SLC26A4: variants seen among roughly 807,000 people sequenced by gnomAD.
SLC26A4 encodes solute carrier family 26 member 4, also known as pendrin.
In SLC26A4, 93 loss-of-function variants were observed where a neutral mutation model predicts 90.4. That is an observed-to-expected ratio of 1.03 (90% CI 0.87 to 1.22). The LOEUF is 1.22. Among genes scored for constraint, SLC26A4 ranks in the 50% most tolerant of loss-of-function variants. The probability of loss-of-function intolerance (pLI) is 0.00; values close to 1 mark genes in which losing one functional copy is unlikely to be tolerated. For missense variants in SLC26A4, 1,127 were observed against 946.2 expected, an observed-to-expected ratio of 1.19 and a Z score of -2.51; for synonymous variants, 393 against 354.6, an observed-to-expected ratio of 1.11 and a Z score of -1.22.
chr7:107,679,712 T>C (rs1791125295), intron 6 of SLC26A4, among the ~76,000 whole-genome samples: 1 of 150,932 alleles, frequency 6.6e-6, no homozygotes. Context: ...ATCCATACTA[T>C]TAACATACTT....
At chr7:107,681,285 G>A (rs1319660731) in intron 6 of SLC26A4, among the ~76,000 whole-genome samples, 1 of 151,964 alleles carries the variant, frequency 6.6e-6, no homozygotes, top group East Asian at 1.9e-4. Context: ...TTGGTGGGAG[G>A]TATTTTGCAT....
chr7:107,701,745 A>G (rs1791891934), intron 16 of SLC26A4, 82 bp from the exon 17 acceptor site: 2 of 919,202 alleles, frequency 2.2e-6, no homozygotes, highest in Non-Finnish European at 3.6e-6. Context: ...AACAGTGTGT[A>G]GGTCTTTTGG....
intron 13 of SLC26A4, 100 bp downstream of exon 13, chr7:107,696,139 A>G (rs1231286604): frequency 6.3e-6 from 5 of 794,270 alleles, no homozygotes; most frequent in Non-Finnish European, 1.1e-5. Context: ...TTCTTTCGTT[A>G]TAGTTACTGT....
intron 3 of SLC26A4, among the ~76,000 whole-genome samples, chr7:107,665,863 C>G (rs746788362): frequency 6.6e-6 from 1 of 152,122 alleles, no homozygotes; most frequent in Non-Finnish European, 1.5e-5. Context: ...AATCCGGTGT[C>G]TATTGTGTAG....
intron 18 of SLC26A4, among the ~76,000 whole-genome samples, chr7:107,706,713 C>T (rs1792044597): frequency 6.6e-6 from 1 of 152,060 alleles, no homozygotes; most frequent in Non-Finnish European, 1.5e-5. Context: ...ATAATATAAC[C>T]AATGTTTTCC....
At position 107,716,991 on chromosome 7, in the gene SLC26A4, A is replaced by G. The variant is rs762076543; in HGVS notation, c.*1545A>G. On this transcript the variant is annotated 3_prime_UTR_variant, in exon 21 of 21. Transcript: ENST00000644269. The stretch of plus-strand genomic sequence containing the variant: ...TTCTGGTTGTAAATCTGGTTACAGC[A>G]TAACTAGGATTATAATGCTGCCTCA... The G allele has an allele frequency of 1.3e-5, 2 of 152,242 alleles. No homozygotes were observed. Among genetic ancestry groups the G allele is most frequent in the Admixed American group, 6.5e-5 (1 of 15,280 alleles). The allele number at this position is 152,242 out of a possible 1,614,324, so 9.4% of individuals were successfully genotyped here. A position where few individuals can be genotyped will look rare whatever the true frequency, so the allele number is the denominator to read the frequency against.
At chr7:107,686,217 CTTG>C (rs1254304679) in intron 8 of SLC26A4, among the ~76,000 whole-genome samples, 3 of 151,746 alleles carry the variant, frequency 2.0e-5, no homozygotes, top group African/African-American at 7.3e-5. Flanking sequence ...CAGAGGTCCT[CTTG>C]TTGTCATGTT....
rs1791850773 is a variant in SLC26A4 at position 107,700,211 on chromosome 7, C to A, written c.1707+36C>A. 8.6e-6 allele frequency: 9 copies of A among 1,045,544 alleles called. No homozygotes were observed. In the South Asian group the frequency reaches 1.0e-4, roughly 12 times the overall value. 64.8% of individuals were successfully genotyped at this position (1,045,544 alleles called of 1,614,324 possible). A position where few individuals can be genotyped will look rare whatever the true frequency, so the allele number is the denominator to read the frequency against. ...TATCCCTAGAAATTTGTTTTCTAAC[C>A]TCTTTTGAGACTTCATTCATTCTAC... On this transcript the variant is annotated intron_variant, in intron 15 of 20. Coordinates refer to ENST00000644269, the MANE Select transcript of SLC26A4 (RefSeq NM_000441.2).
intron 10 of SLC26A4, among the ~76,000 whole-genome samples, chr7:107,691,512 TATACACAC>T (rs1423066700): frequency 4.5e-5 from 5 of 110,518 alleles, no homozygotes; most frequent in Admixed American, 9.3e-5. Flanking sequence ...CAAATATATA[TATACACAC>T]ACACACACAC....
chr7:107,686,854 C>T (rs769914757), intron 8 of SLC26A4, among the ~76,000 whole-genome samples: 30 of 152,168 alleles, frequency 2.0e-4, no homozygotes, highest in Non-Finnish European at 3.2e-4. Flanking sequence ...GGGTTCCATT[C>T]ATTGGTTTGG....
At chr7:107,667,141 T>C (rs75452266) in intron 3 of SLC26A4, among the ~76,000 whole-genome samples, 237 of 152,012 alleles carry the variant, frequency 1.6e-3, no homozygotes, top group African/African-American at 5.5e-3. Flanking sequence ...TATGCTAAGT[T>C]TGAGACACAG....
In SLC26A4 at chr7:107,717,495, A is replaced by C. The variant is rs905214687; in HGVS notation, c.*2049A>C. ...AGGAAATGCCAAAGTTACGTTTTAC[A>C]ACAAGGCTAGAGTTTGTAAATTCTG... On this transcript the variant is annotated 3_prime_UTR_variant, in exon 21 of 21. Transcript: ENST00000644269. 6.6e-6 allele frequency: 1 copy of C among 152,656 alleles called. No homozygotes were observed. The highest frequency in any genetic ancestry group is 2.4e-5 in the African/African-American group (1 of 41,452). The allele number at this position is 152,656 out of a possible 1,614,324, so 9.5% of individuals were successfully genotyped here.
At chr7:107,702,927 G>T (rs1791937637) in intron 17 of SLC26A4, among the ~76,000 whole-genome samples, 1 of 152,164 alleles carries the variant, frequency 6.6e-6, no homozygotes, top group Non-Finnish European at 1.5e-5. Flanking sequence ...GTAGGAAGCA[G>T]GTCAGACATC....
rs965900337 is a variant in SLC26A4, at chr7:107,662,013, A to G, written c.164+208A>G. On this transcript the variant is annotated intron_variant, in intron 2 of 20. Transcript: ENST00000644269. The stretch of plus-strand genomic sequence containing the variant: ...GTGGCTCCATCAGTCTCGGGCCCGA[A>G]ATGAACTTACCTGGGAAACTCGCCT... The G allele has an allele frequency of 1.3e-5, 8 of 605,414 alleles. No individual in the cohort carries two copies. In the Admixed American group the frequency reaches 2.4e-4, roughly 18 times the overall value. The allele number at this position is 605,414 out of a possible 1,614,324, so 37.5% of individuals were successfully genotyped here. A position where few individuals can be genotyped will look rare whatever the true frequency, so the allele number is the denominator to read the frequency against.
intron 20 of SLC26A4, among the ~76,000 whole-genome samples, chr7:107,714,410 G>A (rs1792283737): frequency 6.6e-6 from 1 of 152,192 alleles, no homozygotes; most frequent in African/African-American, 2.4e-5. Context: ...AGAGATTTCT[G>A]TGGAGGAAAT....
chr7:107,672,055 T>TTACA, intron 3 of SLC26A4, 83 bp from the exon 4 acceptor site: 1 of 849,960 alleles, frequency 1.2e-6, no homozygotes, highest in South Asian at 1.3e-5. Flanking sequence ...GGCAAAGTCA[T>TTACA]AAGTGGAACC....
At chr7:107,676,385 A>G (rs779132667) in intron 6 of SLC26A4, among the ~76,000 whole-genome samples, 1 of 152,230 alleles carries the variant, frequency 6.6e-6, no homozygotes, top group Non-Finnish European at 1.5e-5. Flanking sequence ...TCTAACCATA[A>G]GAGTCCGTAA....
intron 3 of SLC26A4, among the ~76,000 whole-genome samples, chr7:107,670,331 G>A (rs1790829332): frequency 6.6e-6 from 1 of 151,738 alleles, no homozygotes; most frequent in Non-Finnish European, 1.5e-5. Context: ...GTGGTCTTGA[G>A]CTCCTGACCT....
At chr7:107,707,296 A>C (rs187558286) in intron 18 of SLC26A4, among the ~76,000 whole-genome samples, 2 of 152,374 alleles carry the variant, frequency 1.3e-5, no homozygotes, top group Admixed American at 6.5e-5. Flanking sequence ...CAGTTCATTC[A>C]GTCTCATGTA....
Sources: allele counts gnomAD v4.1 joint callset (sites outside exome capture counted in the v4.1 genomes callset), GRCh38; gene constraint gnomAD v4.1.1; transcripts MANE v1.5; gene names NCBI Gene and HGNC (gene_info 2026-07-23, HGNC 2026-07-21).